Variants in COA1 observed in about 807,000 individuals in gnomAD.
COA1 encodes the protein cytochrome c oxidase assembly factor 1 homolog.
A neutral mutation model predicts 16.0 loss-of-function variants in COA1; 13 were observed. The observed-to-expected ratio is 0.81, with a 90% CI of 0.53 to 1.29. COA1 has a LOEUF of 1.29. COA1 is among the 50% of genes most tolerant of loss of function. COA1 has a pLI of 0.00. For missense variants in COA1, 179 were observed against 177.0 expected (o/e 1.01, Z -0.06); for synonymous variants, 65 against 65.7 (o/e 0.99, Z 0.05).
At chr7:43,616,509 G>T (rs145749567) in intron 6 of COA1, among the ~76,000 whole-genome samples, 3 of 152,090 alleles carry the variant, frequency 2.0e-5, no homozygotes, top group Non-Finnish European at 4.4e-5. Context: ...GATTCTTCCC[G>T]TTCTCTGAAT....
At chr7:43,637,588 G>A (rs1043379740), downstream of COA1, among the ~76,000 whole-genome samples, 7 of 152,298 alleles carry the variant, frequency 4.6e-5, no homozygotes, top group African/African-American at 1.4e-4. Flanking sequence ...ACAGTGGACT[G>A]CAAGTGTACA....
chr7:43,693,705 T>C (rs2094444555), intron 1 of COA1, among the ~76,000 whole-genome samples: 1 of 152,150 alleles, frequency 6.6e-6, no homozygotes, highest in African/African-American at 2.4e-5. Context: ...AAAGTTTCCC[T>C]CCTTCGAATA....
intron 6 of COA1, among the ~76,000 whole-genome samples, chr7:43,616,286 A>G (rs56280746): frequency 0.18 from 27,648 of 152,020 alleles, 2,885 homozygotes; most frequent in Admixed American, 0.31. Flanking sequence ...AGGTTCATCT[A>G]TTTTCTCTTG....
intron 1 of COA1, among the ~76,000 whole-genome samples, chr7:43,684,753 G>A (rs188719677): frequency 6.6e-6 from 1 of 152,254 alleles, no homozygotes; most frequent in East Asian, 1.9e-4. Flanking sequence ...TGCTCAAAAA[G>A]TGGCACACTC....
chr7:43,691,421 A>AAGAGAAAG (rs1554542664), intron 1 of COA1, among the ~76,000 whole-genome samples: 2 of 87,458 alleles, frequency 2.3e-5, no homozygotes, highest in Non-Finnish European at 4.4e-5. Flanking sequence ...GGAAGAAAGA[A>AAGAGAAAG]AAAGAAAGAA....
At chr7:43,726,162 G>C (rs947369505) in intron 1 of COA1, among the ~76,000 whole-genome samples, 5 of 152,086 alleles carry the variant, frequency 3.3e-5, no homozygotes, top group Admixed American at 6.6e-5. Context: ...ATAACTTCTT[G>C]GAGTCTGTTT....
intron 1 of COA1, among the ~76,000 whole-genome samples, chr7:43,689,884 TAA>T (rs2094197175): frequency 6.6e-6 from 1 of 151,870 alleles, no homozygotes; most frequent in African/African-American, 2.4e-5. Context: ...TCACTAAAAA[TAA>T]AACAAAAGGC....
chr7:43,696,171 C>T (rs781036055), intron 1 of COA1, among the ~76,000 whole-genome samples: 1 of 152,170 alleles, frequency 6.6e-6, no homozygotes, highest in Non-Finnish European at 1.5e-5. Flanking sequence ...TCTTTCCAAA[C>T]TTCATAAATA....
intron 1 of COA1, among the ~76,000 whole-genome samples, chr7:43,666,594 CTTAA>C (rs2092908194): frequency 6.6e-6 from 1 of 152,152 alleles, no homozygotes; most frequent in Non-Finnish European, 1.5e-5. Flanking sequence ...TAAAAACAGT[CTTAA>C]GAATTATTGG....
intron 6 of COA1, among the ~76,000 whole-genome samples, chr7:43,616,777 G>A (rs2083389961): frequency 6.6e-6 from 1 of 152,064 alleles, no homozygotes; most frequent in East Asian, 1.9e-4. Flanking sequence ...GGCTCCTGTA[G>A]TCCCAGCTAC....
chr7:43,657,347 T>G (rs1201983058), intron 1 of COA1: 1 of 152,266 alleles, frequency 6.6e-6, no homozygotes, highest in African/African-American at 2.4e-5. Context: ...AGTGGAACTA[T>G]CTTCTCATAC....
intron 6 of COA1, among the ~76,000 whole-genome samples, chr7:43,621,212 C>G (rs1400638828): frequency 6.6e-6 from 1 of 152,174 alleles, no homozygotes; most frequent in Non-Finnish European, 1.5e-5. Flanking sequence ...CAGAAACAAC[C>G]TTTAAAATTT....
intron 1 of COA1, among the ~76,000 whole-genome samples, chr7:43,710,363 A>ATAT (rs1470314863): frequency 4.6e-5 from 5 of 107,874 alleles, no homozygotes; most frequent in African/African-American, 1.4e-4. Flanking sequence ...AAAAAAAAAA[A>ATAT]AAAAAAAAAA....
At chr7:43,665,964 G>A (rs10228661) in intron 1 of COA1, among the ~76,000 whole-genome samples, 22,141 of 152,018 alleles carry the variant, frequency 0.15, 2,178 homozygotes, top group Non-Finnish European at 0.21. Context: ...TTGCCTTTTT[G>A]TTCTTTTGGG....
At chr7:43,649,311 A>G (rs1466689241) in intron 1 of COA1, 2 of 152,258 alleles carry the variant, frequency 1.3e-5, no homozygotes, top group Admixed American at 6.5e-5. Flanking sequence ...CTGGGATTCA[A>G]ATTCATGCAG....
chr7:43,647,923 G>T, intron 2 of COA1: 1 of 393,110 alleles, frequency 2.5e-6, no homozygotes, highest in Non-Finnish European at 4.6e-6. Context: ...CCACCATCCT[G>T]ACAGACACAG....
rs1364702829 is a variant in COA1 at position 43,622,020 on chromosome 7, A to G, written c.*134-12525T>C. Among the ~76,000 whole-genome samples the G allele has an allele frequency of 3.3e-5, 5 of 152,216 alleles. No homozygotes were observed. In the East Asian group the frequency reaches 9.6e-4, roughly 29 times the overall value. Reference sequence around the variant, plus strand: ...ATTCCTCTGTCCATAAAAAGGGGCTAGTAATAGTACCGACCTCATAGGGAA... The same window carrying G: ...ATTCCTCTGTCCATAAAAAGGGGCTGGTAATAGTACCGACCTCATAGGGAA... On this transcript the variant is annotated intron_variant and NMD_transcript_variant, in intron 6 of 6. Transcript: ENST00000415076.
chr7:43,707,683 A>G (rs1347922059), intron 1 of COA1, among the ~76,000 whole-genome samples: 3 of 152,222 alleles, frequency 2.0e-5, no homozygotes, highest in South Asian at 4.1e-4. Flanking sequence ...AGGTTCATCC[A>G]TATTGTGTAA....
chr7:43,727,011 G>A (rs1290892685), intron 1 of COA1, among the ~76,000 whole-genome samples: 3 of 152,036 alleles, frequency 2.0e-5, no homozygotes, highest in South Asian at 2.1e-4. Context: ...TTTAATGGTC[G>A]CAACACAAAG....
Sources: allele counts gnomAD v4.1 joint callset (sites outside exome capture counted in the v4.1 genomes callset), GRCh38; gene constraint gnomAD v4.1.1; transcripts MANE v1.5; gene names NCBI Gene and HGNC (gene_info 2026-07-23, HGNC 2026-07-21).